The following VWA3A variants were observed in gnomAD, a reference collection of about 807,000 sequenced individuals.
VWA3A encodes the protein von Willebrand factor A domain containing 3A.
A neutral mutation model predicts 160.4 loss-of-function variants in VWA3A; 134 were observed. The observed-to-expected ratio is 0.84, with a 90% CI of 0.73 to 0.96. The LOEUF is 0.96. VWA3A is among the 40% of genes least tolerant of loss of function. VWA3A has a pLI of 0.00. For synonymous variants in VWA3A, 476 were observed against 543.4 expected (o/e 0.88, Z 1.72); for missense variants, 1,310 against 1,447.9 (o/e 0.90, Z 1.55).
chr16:22,136,860 G>A (rs879690596), intron 21 of VWA3A, among the ~76,000 whole-genome samples: 31 of 147,778 alleles, frequency 2.1e-4, no homozygotes, highest in Middle Eastern at 3.5e-3. Flanking sequence ...GTGAAACCCC[G>A]TCTCTACTAA....
intron 17 of VWA3A, among the ~76,000 whole-genome samples, chr16:22,129,486 G>T (rs916043142): frequency 6.6e-6 from 1 of 152,044 alleles, no homozygotes; most frequent in Admixed American, 6.6e-5. Flanking sequence ...CTGGCTGTAG[G>T]GGGTGAAAGA....
intron 16 of VWA3A, among the ~76,000 whole-genome samples, chr16:22,125,593 T>A (rs2045833089): frequency 6.6e-6 from 1 of 151,974 alleles, no homozygotes; most frequent in Admixed American, 6.6e-5. Flanking sequence ...TCGGCTAATT[T>A]TTTTTATTTT....
intron 26 of VWA3A, 141 bp downstream of exon 26, chr16:22,144,525 A>G: frequency 8.0e-7 from 1 of 1,247,538 alleles, no homozygotes; most frequent in Non-Finnish European, 1.1e-6. Flanking sequence ...CCCTCACCAA[A>G]TAGGAGATGC....
intron 6 of VWA3A, among the ~76,000 whole-genome samples, chr16:22,104,770 T>C (rs976238686): frequency 2.0e-5 from 3 of 152,106 alleles, no homozygotes; most frequent in East Asian, 1.9e-4. Flanking sequence ...TTGATTTGCT[T>C]TCTTGTTTGT....
chr16:22,143,399 G>A (rs891566035), intron 25 of VWA3A, among the ~76,000 whole-genome samples: 1 of 152,172 alleles, frequency 6.6e-6, no homozygotes, highest in Non-Finnish European at 1.5e-5. Flanking sequence ...TTGTGCATAA[G>A]GGGATAGTTG....
intron 17 of VWA3A, 56 bp from the exon 18 acceptor site, chr16:22,131,149 G>GCAAA: frequency 6.5e-7 from 1 of 1,545,306 alleles, no homozygotes; most frequent in African/African-American, 1.4e-5. Flanking sequence ...CCAAAGAGGT[G>GCAAA]GGCCACCAAG....
chr16:22,115,208 C>G (rs1279036789), intron 8 of VWA3A, 139 bp from the exon 9 acceptor site: 1 of 954,706 alleles, frequency 1.0e-6, no homozygotes, highest in Non-Finnish European at 1.4e-6. Flanking sequence ...CCCAGGAGTT[C>G]GAGGTTACAG....
intron 18 of VWA3A, 126 bp downstream of exon 18, chr16:22,131,405 A>C: frequency 7.0e-7 from 1 of 1,425,044 alleles, no homozygotes; most frequent in Non-Finnish European, 9.6e-7. Context: ...AGCCATGGGC[A>C]GAAATCAGAA....
intron 9 of VWA3A, among the ~76,000 whole-genome samples, chr16:22,115,816 A>G (rs2045621241): frequency 7.1e-6 from 1 of 141,654 alleles, no homozygotes; most frequent in Non-Finnish European, 1.5e-5. Context: ...TAACCTGGGC[A>G]ACAGAGTGAG....
chr16:22,128,879 T>A (rs1173466932), intron 17 of VWA3A, among the ~76,000 whole-genome samples: 2 of 151,982 alleles, frequency 1.3e-5, no homozygotes, highest in African/African-American at 2.4e-5. Context: ...AGCTAAATGA[T>A]GAGAACACAT....
At chr16:22,154,323 C>CTTTT (rs988862954) in intron 31 of VWA3A, among the ~76,000 whole-genome samples, 75 of 73,870 alleles carry the variant, frequency 1.0e-3, no homozygotes, top group Non-Finnish European at 1.2e-3. Flanking sequence ...TTTTCTTTTT[C>CTTTT]TTTTTTTTTT....
chr16:22,155,712 A>G, intron 32 of VWA3A, 48 bp downstream of exon 32: 5 of 1,605,988 alleles, frequency 3.1e-6, no homozygotes, highest in Non-Finnish European at 4.3e-6. Flanking sequence ...GCTACAGCCC[A>G]TGCAGACCCC....
At chr16:22,147,719 CT>C (rs2142015882) in intron 27 of VWA3A, 1 of 699,484 alleles carries the variant, frequency 1.4e-6, no homozygotes, top group African/African-American at 1.7e-5. Flanking sequence ...CACATTACCC[CT>C]GGGAACGGTG....
At chr16:22,141,822 G>A (rs1161285780) in intron 24 of VWA3A, 130 bp downstream of exon 24, 1 of 696,736 alleles carries the variant, frequency 1.4e-6, no homozygotes, top group African/African-American at 1.8e-5. Context: ...TCTGGAGCAA[G>A]CCGTACTCAA....
intron 31 of VWA3A, among the ~76,000 whole-genome samples, chr16:22,154,979 A>G: frequency 1.2e-5 from 1 of 80,184 alleles, no homozygotes; most frequent in Non-Finnish European, 2.4e-5. Flanking sequence ...AAAAAAAAAA[A>G]AAAAAAAAAA....
intron 21 of VWA3A, 77 bp downstream of exon 21, chr16:22,134,515 TG>T: frequency 2.3e-6 from 3 of 1,305,858 alleles, no homozygotes; most frequent in Non-Finnish European, 3.2e-6. Context: ...TGCCACAAAC[TG>T]GGTGGCTTAA....
At chr16:22,100,107 T>C in intron 3 of VWA3A, 87 bp from the exon 4 acceptor site, 1 of 1,434,690 alleles carries the variant, frequency 7.0e-7, no homozygotes, top group Non-Finnish European at 9.2e-7. Flanking sequence ...CAGTCTGAGT[T>C]GGCGCCCGTT....
At chr16:22,115,910 GAA>G (rs2045629082) in intron 9 of VWA3A, among the ~76,000 whole-genome samples, 1 of 36,658 alleles carries the variant, frequency 2.7e-5, no homozygotes, top group South Asian at 2.2e-3. Flanking sequence ...AGGAAGGAAG[GAA>G]GGAAGGAAGG....
At chr16:22,108,460 G>C (rs2045510866) in intron 6 of VWA3A, among the ~76,000 whole-genome samples, 1 of 152,132 alleles carries the variant, frequency 6.6e-6, no homozygotes, top group African/African-American at 2.4e-5. Flanking sequence ...CTATGGGCTG[G>C]TAGGTCAGTA....
Sources: allele counts gnomAD v4.1 joint callset (sites outside exome capture counted in the v4.1 genomes callset), GRCh38; gene constraint gnomAD v4.1.1; transcripts MANE v1.5; gene names NCBI Gene and HGNC (gene_info 2026-07-23, HGNC 2026-07-21).